Variants in CEP112 observed in about 807,000 individuals in gnomAD.
CEP112 encodes the protein centrosomal protein of 112 kDa.
CEP112 carries 127 observed loss-of-function variants against 153.0 expected under a neutral mutation model. That is an observed-to-expected ratio of 0.83 (90% CI 0.72 to 0.96). The LOEUF (loss-of-function observed/expected upper bound fraction) is 0.96. Ranked by LOEUF, CEP112 falls within the 40% of genes least tolerant of loss-of-function variation. The pLI, the probability that CEP112 is intolerant of heterozygous loss-of-function variation, is 0.00. For missense variants in CEP112, 1,089 were observed against 1,101.2 expected (o/e 0.99, Z 0.16); for synonymous variants, 358 against 374.4 (o/e 0.96, Z 0.51).
At chr17:65,682,704 T>G (rs1328898797) in intron 24 of CEP112, among the ~76,000 whole-genome samples, 2 of 152,150 alleles carry the variant, frequency 1.3e-5, no homozygotes, top group Non-Finnish European at 2.9e-5. Flanking sequence ...TGTTTTCCTC[T>G]TCACTGATAT....
intron 21 of CEP112, among the ~76,000 whole-genome samples, chr17:65,790,600 T>C (rs2054534049): frequency 6.6e-6 from 1 of 152,168 alleles, no homozygotes; most frequent in African/African-American, 2.4e-5. Flanking sequence ...CTCAGCTCCT[T>C]CGATCCTCGC....
chr17:65,878,517 G>GT (rs1247507969), intron 20 of CEP112, among the ~76,000 whole-genome samples: 1 of 152,144 alleles, frequency 6.6e-6, no homozygotes, highest in East Asian at 1.9e-4. Context: ...TGGGACAGGC[G>GT]TGTTTGGGGG....
At chr17:65,701,598 T>C (rs982629905) in intron 23 of CEP112, among the ~76,000 whole-genome samples, 1 of 152,304 alleles carries the variant, frequency 6.6e-6, no homozygotes, top group Admixed American at 6.5e-5. Context: ...TAGTGACGAC[T>C]CCTATACTCA....
chr17:65,955,017 A>G (rs1240878952), intron 18 of CEP112, among the ~76,000 whole-genome samples: 1 of 152,206 alleles, frequency 6.6e-6, no homozygotes, highest in African/African-American at 2.4e-5. Flanking sequence ...CAAAGAACAC[A>G]TGGGAAATTC....
At chr17:66,125,950 C>A (rs922490713) in intron 6 of CEP112, among the ~76,000 whole-genome samples, 6 of 151,992 alleles carry the variant, frequency 3.9e-5, no homozygotes, top group African/African-American at 1.2e-4. Flanking sequence ...TCAATAATGA[C>A]CATGATTTTT....
intron 6 of CEP112, among the ~76,000 whole-genome samples, chr17:66,116,616 C>A (rs1004074203): frequency 3.9e-5 from 6 of 151,988 alleles, no homozygotes; most frequent in Non-Finnish European, 8.8e-5. Context: ...GATGAAAACA[C>A]GGAAAGGGAA....
At chr17:65,839,033 C>A (rs1048837295) in intron 21 of CEP112, among the ~76,000 whole-genome samples, 4 of 152,002 alleles carry the variant, frequency 2.6e-5, no homozygotes, top group Non-Finnish European at 5.9e-5. Context: ...CAAAGAAAAA[C>A]CCAGAACCTG....
At chr17:65,847,427 A>T (rs531877427) in intron 21 of CEP112, among the ~76,000 whole-genome samples, 1 of 152,258 alleles carries the variant, frequency 6.6e-6, no homozygotes, top group Admixed American at 6.5e-5. Flanking sequence ...GCTTTTTTTG[A>T]AACTCCTCAC....
intron 21 of CEP112, among the ~76,000 whole-genome samples, chr17:65,773,588 A>C: frequency 6.6e-6 from 1 of 152,216 alleles, no homozygotes; most frequent in Admixed American, 6.5e-5. Context: ...ATAAATGCTC[A>C]TTGTAGAAAA....
At chr17:65,871,381 C>G (rs952055675) in intron 20 of CEP112, among the ~76,000 whole-genome samples, 1 of 152,078 alleles carries the variant, frequency 6.6e-6, no homozygotes, top group Non-Finnish European at 1.5e-5. Flanking sequence ...CTGTGGCTCA[C>G]GCCCAGCACT....
At chr17:65,738,896 C>T (rs2050957162) in intron 23 of CEP112, among the ~76,000 whole-genome samples, 1 of 152,172 alleles carries the variant, frequency 6.6e-6, no homozygotes, top group African/African-American at 2.4e-5. Context: ...CTATGCCATT[C>T]CTCCCACTAT....
chr17:66,031,474 T>G (rs1436422260), intron 12 of CEP112, among the ~76,000 whole-genome samples: 10 of 101,302 alleles, frequency 9.9e-5, no homozygotes, highest in Non-Finnish European at 1.4e-4. Flanking sequence ...TTTTGTTTTG[T>G]TTTTTTTTTT....
chr17:65,823,489 C>T (rs1458137604), intron 21 of CEP112, among the ~76,000 whole-genome samples: 1 of 152,106 alleles, frequency 6.6e-6, no homozygotes, highest in African/African-American at 2.4e-5. Context: ...CCATATATTG[C>T]ACCATCCACA....
intron 21 of CEP112, among the ~76,000 whole-genome samples, chr17:65,830,337 C>G (rs1307933294): frequency 6.6e-6 from 1 of 152,204 alleles, no homozygotes; most frequent in East Asian, 1.9e-4. Context: ...CTATGCTGCC[C>G]TCTCCCACAA....
intron 12 of CEP112, 61 bp from the exon 13 acceptor site, chr17:66,030,084 TAAG>T (rs1568403579): frequency 7.0e-7 from 1 of 1,421,970 alleles, no homozygotes; most frequent in Non-Finnish European, 9.7e-7. Context: ...TTTGTATCTG[TAAG>T]AAGCTTGAGG....
intron 12 of CEP112, among the ~76,000 whole-genome samples, chr17:66,032,222 ACC>A (rs2065518220): frequency 6.6e-6 from 1 of 151,184 alleles, no homozygotes; most frequent in Non-Finnish European, 1.5e-5. Context: ...GCTGGTCTTG[ACC>A]TCCTGACCTC....
At chr17:65,840,992 A>G (rs1164283611) in intron 21 of CEP112, among the ~76,000 whole-genome samples, 1 of 152,050 alleles carries the variant, frequency 6.6e-6, no homozygotes, top group Non-Finnish European at 1.5e-5. Flanking sequence ...TATCAAAAAG[A>G]CAAAAAACAA....
intron 6 of CEP112, among the ~76,000 whole-genome samples, chr17:66,118,357 T>C (rs2069404538): frequency 6.6e-6 from 1 of 152,074 alleles, no homozygotes; most frequent in South Asian, 2.1e-4. Context: ...ATATACACAA[T>C]TGAATATTAT....
chr17:65,902,069 CAATAAGAAT>C lies in CEP112; in HGVS notation c.2163+74_2163+82del, dbSNP rs1021668300. ...TTGCAAATGATCAAACAGCGTGCAT[CAATAAGAAT>C]AATAAGAAAACATTAAACGCTGATG... is the stretch of plus-strand genomic sequence containing the variant. On this transcript the variant is annotated intron_variant, in intron 20 of 26. Transcript: ENST00000535342. 6 of 831,130 alleles carry C rather than the reference CAATAAGAAT, an allele frequency of 7.2e-6. No individual in the cohort carries two copies. In the African/African-American group the frequency reaches 9.3e-5, roughly 13 times the overall value. 51.5% of individuals were successfully genotyped at this position (831,130 alleles called of 1,614,324 possible).
Sources: gnomAD v4.1 joint callset for allele counts (sites outside exome capture counted in the v4.1 genomes callset) on GRCh38, gnomAD v4.1.1 for gene constraint, MANE v1.5 for transcripts, NCBI Gene and HGNC (gene_info 2026-07-23, HGNC 2026-07-21) for gene names.